Variants in PTPRD observed in about 807,000 individuals in gnomAD.
PTPRD encodes protein tyrosine phosphatase receptor type D, also known as receptor-type tyrosine-protein phosphatase delta.
PTPRD carries 34 observed loss-of-function variants against 214.5 expected under a neutral mutation model. The ratio of observed to expected loss-of-function variants is 0.16; its 90% CI spans 0.12 to 0.21. PTPRD has a LOEUF of 0.21. PTPRD is among the 10% of genes least tolerant of loss of function. The pLI, the probability that PTPRD is intolerant of heterozygous loss-of-function variation, is 1.00. For missense variants in PTPRD, 2,545 were observed against 2,398.7 expected (o/e 1.06, Z -1.27); for synonymous variants, 1,128 against 845.7 (o/e 1.33, Z -5.79).
chr9:10,451,228 T>C (rs1303322247), intron 2 of PTPRD, among the ~76,000 whole-genome samples: 1 of 151,952 alleles, frequency 6.6e-6, no homozygotes, highest in Admixed American at 6.5e-5. Context: ...AACAAAACAC[T>C]GTTTCAGGTG....
chr9:8,407,930 T>C (rs1025327428), intron 35 of PTPRD, among the ~76,000 whole-genome samples: 8 of 152,184 alleles, frequency 5.3e-5, no homozygotes, highest in Non-Finnish European at 1.2e-4. Flanking sequence ...CAACTGAAAG[T>C]TGGTGAGGTA....
chr9:10,251,841 C>A (rs1195710638), intron 3 of PTPRD, among the ~76,000 whole-genome samples: 1 of 152,050 alleles, frequency 6.6e-6, no homozygotes, highest in African/African-American at 2.4e-5. Context: ...ATGATGGTTA[C>A]CAGAGGCTGA....
intron 11 of PTPRD, among the ~76,000 whole-genome samples, chr9:8,858,832 CACACACACAG>C (rs2098026156): frequency 1.4e-5 from 2 of 139,476 alleles, no homozygotes; most frequent in African/African-American, 5.8e-5. Context: ...CACACACATA[CACACACACAG>C]ACACACAGAC....
At chr9:9,074,350 T>A (rs1231045334) in intron 10 of PTPRD, among the ~76,000 whole-genome samples, 1 of 152,068 alleles carries the variant, frequency 6.6e-6, no homozygotes, top group Non-Finnish European at 1.5e-5. Flanking sequence ...AAATGATCAT[T>A]GATAATGAAA....
chr9:10,469,768 T>C (rs2099018183), intron 2 of PTPRD, among the ~76,000 whole-genome samples: 1 of 152,052 alleles, frequency 6.6e-6, no homozygotes, highest in Non-Finnish European at 1.5e-5. Flanking sequence ...CAAGTGTCCA[T>C]GAATGAATGG....
rs2092806696 is a variant in PTPRD, at chr9:9,592,234, A to G, written c.-286-17453T>C. Among the ~76,000 whole-genome samples the G allele has an allele frequency of 5.3e-5, 8 of 152,206 alleles. No individual in the cohort carries two copies. The South Asian group carries it at 1.7e-3, about 32-fold the overall frequency. ...TAGGTAAATTTATGGCCTTTTGCCT[A>G]AATTATATCTTGTTCCATTTCCATG... On this transcript the variant is annotated intron_variant, in intron 7 of 45. Transcript: ENST00000381196.
intron 8 of PTPRD, among the ~76,000 whole-genome samples, chr9:9,460,391 G>A (rs1251937057): frequency 1.3e-5 from 2 of 151,842 alleles, no homozygotes; most frequent in African/African-American, 4.8e-5. Flanking sequence ...CAGAGTAAAT[G>A]GGCAGCCTGC....
intron 7 of PTPRD, among the ~76,000 whole-genome samples, chr9:9,668,545 C>T (rs903155055): frequency 6.6e-6 from 1 of 151,732 alleles, no homozygotes; most frequent in Non-Finnish European, 1.5e-5. Flanking sequence ...CATTTTTTTT[C>T]CCACTGAAAT....
At chr9:9,467,953 C>T (rs2094329989) in intron 8 of PTPRD, among the ~76,000 whole-genome samples, 1 of 152,138 alleles carries the variant, frequency 6.6e-6, no homozygotes, top group African/African-American at 2.4e-5. Context: ...TTAGCCTACA[C>T]ATTTTTTTCC....
chr9:9,939,809 C>T lies in PTPRD; in HGVS notation c.-471-1199G>A, dbSNP rs191779652. ...TCTATGCAGTACGATGTGAAGGGCT[C>T]AAGAAAGTCCCACCAGAATTGCTTA... On this transcript the variant is annotated intron_variant, in intron 4 of 45. Transcript: ENST00000381196. Among the ~76,000 whole-genome samples, 190 of 152,220 alleles carry T rather than the reference C, an allele frequency of 1.2e-3. 1 individual carries two copies. The highest frequency in any genetic ancestry group is 4.2e-3 in the African/African-American group (173 of 41,532).
intron 10 of PTPRD, among the ~76,000 whole-genome samples, chr9:9,068,362 C>T (rs1269474389): frequency 6.6e-6 from 1 of 152,112 alleles, no homozygotes; most frequent in Non-Finnish European, 1.5e-5. Context: ...GATAAATGCC[C>T]ATGAATGCAA....
intron 12 of PTPRD, among the ~76,000 whole-genome samples, chr9:8,664,252 C>G (rs906055518): frequency 6.6e-6 from 1 of 152,002 alleles, no homozygotes; most frequent in African/African-American, 2.4e-5. Context: ...AAAAAATGAC[C>G]AAGCATCATA....
intron 3 of PTPRD, among the ~76,000 whole-genome samples, chr9:10,116,147 A>G (rs893737225): frequency 6.6e-6 from 1 of 152,114 alleles, no homozygotes; most frequent in Non-Finnish European, 1.5e-5. Context: ...TCTTTCCAAT[A>G]TCTGAACATT....
At chr9:10,528,383 A>T (rs1424987641) in intron 2 of PTPRD, among the ~76,000 whole-genome samples, 1 of 152,150 alleles carries the variant, frequency 6.6e-6, no homozygotes, top group Non-Finnish European at 1.5e-5. Flanking sequence ...CTGAGTTCAC[A>T]TATATAAATG....
At chr9:10,398,707 C>A (rs555784099) in intron 2 of PTPRD, among the ~76,000 whole-genome samples, 2 of 151,694 alleles carry the variant, frequency 1.3e-5, no homozygotes, top group African/African-American at 4.8e-5. Flanking sequence ...TATTAGTAGT[C>A]GTGATAATAA....
At chr9:9,156,640 C>T (rs533677996) in intron 10 of PTPRD, among the ~76,000 whole-genome samples, 2 of 152,136 alleles carry the variant, frequency 1.3e-5, no homozygotes, top group East Asian at 1.9e-4. Flanking sequence ...TTCACAGCGG[C>T]GTCATGTATT....
At chr9:9,048,025 C>A (rs1206747835) in intron 10 of PTPRD, among the ~76,000 whole-genome samples, 1 of 152,084 alleles carries the variant, frequency 6.6e-6, no homozygotes, top group Admixed American at 6.6e-5. Context: ...AATGCATACA[C>A]ATGGCAAACA....
At chr9:10,019,671 G>T (rs959353446) in intron 4 of PTPRD, among the ~76,000 whole-genome samples, 1 of 151,712 alleles carries the variant, frequency 6.6e-6, no homozygotes, top group Non-Finnish European at 1.5e-5. Flanking sequence ...GCAAACTATC[G>T]CAAGGACAAA....
chr9:9,653,410 T>C (rs576326639), intron 7 of PTPRD, among the ~76,000 whole-genome samples: 19 of 117,170 alleles, frequency 1.6e-4, no homozygotes, highest in African/African-American at 5.8e-4. Flanking sequence ...ATTTTACGCC[T>C]AAAGAAAATA....
Sources: allele counts gnomAD v4.1 joint callset (sites outside exome capture counted in the v4.1 genomes callset), GRCh38; gene constraint gnomAD v4.1.1; transcripts MANE v1.5; gene names NCBI Gene and HGNC (gene_info 2026-07-23, HGNC 2026-07-21).